The following DEPTOR variants were observed in gnomAD, a reference collection of about 807,000 sequenced individuals.
DEPTOR encodes DEP domain-containing mTOR-interacting protein.
In DEPTOR, 41 loss-of-function variants were observed where a neutral mutation model predicts 41.6. That is an observed-to-expected ratio of 0.98 (90% CI 0.77 to 1.28). DEPTOR has a LOEUF of 1.28. Ranked by LOEUF, DEPTOR falls within the 50% of genes most tolerant of loss-of-function variation. The probability of loss-of-function intolerance (pLI) is 0.00; values close to 1 mark genes in which losing one functional copy is unlikely to be tolerated. For synonymous variants in DEPTOR, 195 were observed against 192.3 expected, an observed-to-expected ratio of 1.01 and a Z score of -0.12; for missense variants, 514 against 527.9, an observed-to-expected ratio of 0.97 and a Z score of 0.26.
chr8:119,991,011 A>G (rs1215789512), intron 4 of DEPTOR, among the ~76,000 whole-genome samples: 1 of 138,952 alleles, frequency 7.2e-6, no homozygotes, highest in East Asian at 2.1e-4. Flanking sequence ...AGATGGCCTT[A>G]AGTACAGCTC....
intron 3 of DEPTOR, among the ~76,000 whole-genome samples, chr8:119,963,837 G>A (rs1458034304): frequency 6.6e-6 from 1 of 152,172 alleles, no homozygotes; most frequent in East Asian, 1.9e-4. Context: ...TGTGGGTATG[G>A]GAGGATTTCA....
chr8:119,879,762 C>T (rs2129669456), intron 1 of DEPTOR, among the ~76,000 whole-genome samples: 1 of 151,454 alleles, frequency 6.6e-6, no homozygotes, highest in East Asian at 2.0e-4. Context: ...CTGTAACCAG[C>T]ACTTTGGGAG....
At chr8:119,994,774 G>A (rs1450333605) in intron 4 of DEPTOR, among the ~76,000 whole-genome samples, 2 of 151,740 alleles carry the variant, frequency 1.3e-5, no homozygotes, top group Non-Finnish European at 1.5e-5. Flanking sequence ...AAAATTAGCC[G>A]GGCATGGTGG....
At chr8:120,041,009 T>C (rs1339415819) in intron 8 of DEPTOR, among the ~76,000 whole-genome samples, 1 of 152,202 alleles carries the variant, frequency 6.6e-6, no homozygotes, top group Non-Finnish European at 1.5e-5. Flanking sequence ...TTCTTTTCTG[T>C]CTGAGTCTTT....
At chr8:119,928,300 A>C in intron 1 of DEPTOR, 100 bp from the exon 2 acceptor site, 1 of 1,283,442 alleles carries the variant, frequency 7.8e-7, no homozygotes, top group Non-Finnish European at 1.1e-6. Flanking sequence ...TGACACCTTC[A>C]TGCCTTTAGA....
chr8:119,880,186 T>TAAAATAAAATA (rs900159694), intron 1 of DEPTOR, among the ~76,000 whole-genome samples: 1 of 150,368 alleles, frequency 6.7e-6, no homozygotes, highest in African/African-American at 2.5e-5. Context: ...TAAAATAAAA[T>TAAAATAAAATA]AAAGAAGCCC....
chr8:119,913,294 A>G lies in DEPTOR; in HGVS notation c.123-15106A>G, dbSNP rs143113528. 7.2e-5 allele frequency among the ~76,000 whole-genome samples: 11 copies of G among 152,330 alleles called. No individual in the cohort carries two copies. In the East Asian group the frequency reaches 2.1e-3, roughly 29 times the overall value. On this transcript the variant is annotated intron_variant, in intron 1 of 8. Coordinates refer to ENST00000286234, the MANE Select transcript of DEPTOR (RefSeq NM_022783.4). The stretch of plus-strand genomic sequence containing the variant: ...GCAGCACCAGGCACTTCCAAGTTGC[A>G]CTGGGGAGTGGTCTGGAAAACAAAA...
At chr8:119,897,906 T>C (rs758294819) in intron 1 of DEPTOR, among the ~76,000 whole-genome samples, 1 of 152,244 alleles carries the variant, frequency 6.6e-6, no homozygotes, top group Non-Finnish European at 1.5e-5. Flanking sequence ...TAGTTGCTCC[T>C]GCTATTAATA....
At position 119,900,380 on chromosome 8, in the gene DEPTOR, CTTT is replaced by C. The variant is rs377443807; in HGVS notation, c.122+26434_122+26436del. ...TAAATGTCTATTACACACCCCTCAC[CTTT>C]TTTTTTTTTTTTTTTTTTTTTGGGA... On this transcript the variant is annotated intron_variant, in intron 1 of 8. Coordinates refer to ENST00000286234, the MANE Select transcript of DEPTOR (RefSeq NM_022783.4). Among the ~76,000 whole-genome samples, 263 of 43,912 alleles carry C rather than the reference CTTT, an allele frequency of 6.0e-3. 4 individuals are homozygous for C. The highest frequency in any genetic ancestry group is 0.03 in the African/African-American group (251 of 8,306). 28.8% of individuals were successfully genotyped at this position (43,912 alleles called of 152,430 possible).
intron 4 of DEPTOR, among the ~76,000 whole-genome samples, chr8:119,975,853 C>G (rs1250187210): frequency 6.7e-6 from 1 of 149,514 alleles, no homozygotes; most frequent in African/African-American, 2.5e-5. Flanking sequence ...CTCCTGCTCT[C>G]CTACTCATGC....
chr8:119,889,810 G>A (rs1186088296), intron 1 of DEPTOR, among the ~76,000 whole-genome samples: 1 of 152,122 alleles, frequency 6.6e-6, no homozygotes, highest in East Asian at 1.9e-4. Context: ...TTTAGCTTCT[G>A]GGTTGCCCTT....
chr8:119,996,307 G>C (rs1812258439), intron 4 of DEPTOR, among the ~76,000 whole-genome samples: 1 of 152,172 alleles, frequency 6.6e-6, no homozygotes, highest in Non-Finnish European at 1.5e-5. Context: ...ATCAATAGGT[G>C]ATGATAACAG....
chr8:119,965,216 C>T lies in DEPTOR; in HGVS notation c.426-16C>T. On this transcript the variant is annotated splice_polypyrimidine_tract_variant and intron_variant, in intron 3 of 8. Coordinates refer to ENST00000286234, the MANE Select transcript of DEPTOR (RefSeq NM_022783.4). ...TCGTATAGGTTTACTTTTCTTTTCC[C>T]TTTTTTTCTTCCCAGGCTGATGAGC... is the stretch of plus-strand genomic sequence containing the variant. The T allele has an allele frequency of 6.3e-7, 1 of 1,597,178 alleles. No homozygotes were observed. The highest frequency in any genetic ancestry group is 8.5e-7 in the Non-Finnish European group (1 of 1,174,630).
At chr8:120,002,791 A>AAATATATATATATATAT in intron 5 of DEPTOR, among the ~76,000 whole-genome samples, 186 bp from the exon 6 acceptor site, 7 of 60,672 alleles carry the variant, frequency 1.2e-4, no homozygotes, top group African/African-American at 4.5e-4. Context: ...AAAAAAAAAA[A>AAATATATATATATATAT]ATATATATAT....
At chr8:120,008,038 T>C (rs1382936799) in intron 7 of DEPTOR, among the ~76,000 whole-genome samples, 1 of 152,234 alleles carries the variant, frequency 6.6e-6, no homozygotes, top group Non-Finnish European at 1.5e-5. Context: ...TTGGGATATG[T>C]GTGAAAGATG....
chr8:120,007,698 A>G lies in DEPTOR; in HGVS notation c.996+823A>G, dbSNP rs186878911. On this transcript the variant is annotated intron_variant, in intron 7 of 8. Coordinates refer to ENST00000286234, the MANE Select transcript of DEPTOR (RefSeq NM_022783.4). ...ATCCACACTCAGTCATGCTGCAAAC[A>G]TTTGCTGAGGGCTATTTCACATTCT... 1.4e-3 allele frequency among the ~76,000 whole-genome samples: 206 copies of G among 152,262 alleles called. 1 individual carries two copies. The highest frequency in any genetic ancestry group is 2.3e-3 in the Non-Finnish European group (156 of 68,028).
chr8:119,925,413 A>G (rs186533414), intron 1 of DEPTOR, among the ~76,000 whole-genome samples: 1 of 152,080 alleles, frequency 6.6e-6, no homozygotes, highest in Non-Finnish European at 1.5e-5. Context: ...CGAAAATAAT[A>G]AAAACAACAA....
At chr8:119,879,026 C>T (rs1037866266) in intron 1 of DEPTOR, among the ~76,000 whole-genome samples, 11 of 151,862 alleles carry the variant, frequency 7.2e-5, no homozygotes, top group African/African-American at 1.9e-4. Flanking sequence ...AGGAGAATTG[C>T]TTGAACCTGG....
chr8:119,928,492 G>A lies in DEPTOR; in HGVS notation c.215G>A (p.Trp72Ter), dbSNP rs201319418. 2 of 1,614,142 alleles carry A rather than the reference G, an allele frequency of 1.2e-6. No individual in the cohort carries two copies. The highest frequency in any genetic ancestry group is 8.5e-7 in the Non-Finnish European group (1 of 1,180,018). ...NCFVAKELID[W>*]LIEHKEASDR... ...TTTGTCGCAAAAGAACTGATTGACT[G>A]GCTGATTGAACACAAAGAGGCTTCT... Residue 72 changes from tryptophan (W) to a stop codon, truncating the protein, a stop_gained, in exon 2 of 9, where the codon TGG (tryptophan) becomes TAG (stop). Coordinates refer to ENST00000286234, the MANE Select transcript of DEPTOR (RefSeq NM_022783.4). LOFTEE classifies it high-confidence loss of function.
Sources: allele counts gnomAD v4.1 joint callset (sites outside exome capture counted in the v4.1 genomes callset), GRCh38; gene constraint gnomAD v4.1.1; transcripts MANE v1.5; gene names NCBI Gene and HGNC (gene_info 2026-07-23, HGNC 2026-07-21).